PRELID2: variants seen among roughly 807,000 people sequenced by gnomAD.
The protein encoded by PRELID2 is PRELI domain containing 2.
PRELID2 carries 25 observed loss-of-function variants against 28.4 expected under a neutral mutation model. The observed-to-expected ratio is 0.88, with a 90% CI of 0.64 to 1.23. PRELID2 has a LOEUF of 1.23. Among genes scored for constraint, PRELID2 ranks in the 50% most tolerant of loss-of-function variants. PRELID2 has a pLI of 0.00. For missense variants in PRELID2, 201 were observed against 214.4 expected (o/e 0.94, Z 0.39); for synonymous variants, 76 against 71.6 (o/e 1.06, Z -0.31).
chr5:145,622,104 A>T (rs1753782004), intron 1 of PRELID2, among the ~76,000 whole-genome samples: 1 of 152,186 alleles, frequency 6.6e-6, no homozygotes, highest in Admixed American at 6.5e-5. Flanking sequence ...CATTTATGTT[A>T]ACTGTCCAGA....
At chr5:145,708,437 C>T (rs1359968384) in intron 1 of PRELID2, among the ~76,000 whole-genome samples, 1 of 151,922 alleles carries the variant, frequency 6.6e-6, no homozygotes, top group Non-Finnish European at 1.5e-5. Context: ...TTCTAAGGTC[C>T]CTTCCAGCTC....
chr5:145,765,842 C>T (rs1036762239), intron 5 of PRELID2, among the ~76,000 whole-genome samples: 4 of 152,200 alleles, frequency 2.6e-5, no homozygotes, highest in Admixed American at 6.5e-5. Context: ...TCCTTACCCA[C>T]ATTTTACTGA....
chr5:145,438,441 C>T, the PRELID2 span, among the ~76,000 whole-genome samples: 1 of 152,074 alleles, frequency 6.6e-6, no homozygotes, highest in East Asian at 1.9e-4. Flanking sequence ...TTCTCTTAAC[C>T]TCTTTTCCCA....
At chr5:145,567,208 T>C (rs982652660) in intron 1 of PRELID2, among the ~76,000 whole-genome samples, 1 of 152,200 alleles carries the variant, frequency 6.6e-6, no homozygotes, top group Non-Finnish European at 1.5e-5. Context: ...TTATTACCTA[T>C]TGATATGGTT....
intron 1 of PRELID2, among the ~76,000 whole-genome samples, chr5:145,481,405 C>T (rs1752157909): frequency 6.6e-6 from 1 of 151,300 alleles, no homozygotes; most frequent in Non-Finnish European, 1.5e-5. Context: ...ACACAGAGAC[C>T]CTAAAACAAA....
At chr5:145,328,294 A>G in the PRELID2 span, among the ~76,000 whole-genome samples, 2 of 152,186 alleles carry the variant, frequency 1.3e-5, no homozygotes, top group Admixed American at 1.3e-4. Context: ...CTTTTGGTAT[A>G]TACCCAATAA....
chr5:145,246,808 T>C, the PRELID2 span, among the ~76,000 whole-genome samples: 3 of 152,292 alleles, frequency 2.0e-5, no homozygotes, highest in East Asian at 5.8e-4. Context: ...AATCTGTCCT[T>C]GTTCATTCCT....
At chr5:145,406,279 A>T in the PRELID2 span, among the ~76,000 whole-genome samples, 1 of 152,180 alleles carries the variant, frequency 6.6e-6, no homozygotes, top group Non-Finnish European at 1.5e-5. Context: ...TTGTCAGAGT[A>T]CCCATGAAGT....
the PRELID2 span, among the ~76,000 whole-genome samples, chr5:145,323,000 T>C: frequency 4.7e-4 from 72 of 152,058 alleles, no homozygotes; most frequent in African/African-American, 1.7e-3. Context: ...AATAAATGAA[T>C]AAATAAACGA....
At chr5:145,714,759 A>G (rs973717640) in intron 1 of PRELID2, among the ~76,000 whole-genome samples, 10 of 152,180 alleles carry the variant, frequency 6.6e-5, no homozygotes, top group African/African-American at 2.4e-4. Context: ...AGGCCTTTCA[A>G]TAAGCACTTA....
chr5:145,738,276 C>T (rs1198094619), intron 1 of PRELID2, among the ~76,000 whole-genome samples: 1 of 152,072 alleles, frequency 6.6e-6, no homozygotes, highest in East Asian at 1.9e-4. Flanking sequence ...CCCAAAATAT[C>T]CAAGTTTCAA....
chr5:145,666,517 A>G (rs960398969), intron 1 of PRELID2, among the ~76,000 whole-genome samples: 11 of 152,022 alleles, frequency 7.2e-5, no homozygotes, highest in African/African-American at 2.4e-4. Flanking sequence ...CATACACACA[A>G]AATGGTGAGT....
chr5:145,437,838 C>A, the PRELID2 span, among the ~76,000 whole-genome samples: 4 of 152,072 alleles, frequency 2.6e-5, no homozygotes, highest in Non-Finnish European at 5.9e-5. Flanking sequence ...TATGGTCTGG[C>A]ATTTTCGCCC....
At chr5:145,643,771 C>T (rs975129932) in intron 1 of PRELID2, among the ~76,000 whole-genome samples, 8 of 152,098 alleles carry the variant, frequency 5.3e-5, no homozygotes, top group African/African-American at 1.9e-4. Flanking sequence ...TTGAGATAAT[C>T]ATGTGGTTTT....
the PRELID2 span, among the ~76,000 whole-genome samples, chr5:145,449,493 T>G: frequency 6.6e-6 from 1 of 152,104 alleles, no homozygotes; most frequent in Non-Finnish European, 1.5e-5. Flanking sequence ...TGCTCTTCTG[T>G]TCATCAGCTC....
At chr5:145,614,158 A>G (rs926682463) in intron 1 of PRELID2, among the ~76,000 whole-genome samples, 4 of 152,294 alleles carry the variant, frequency 2.6e-5, no homozygotes, top group African/African-American at 7.2e-5. Flanking sequence ...TGGGTTCTCT[A>G]TTCTGTTCCA....
At position 145,664,909 on chromosome 5, in the gene PRELID2, C is replaced by T. The variant is rs74907972; in HGVS notation, n.70+100022G>A. Among the ~76,000 whole-genome samples, 59 of 152,144 alleles carry T rather than the reference C, an allele frequency of 3.9e-4. No homozygotes were observed. The East Asian group carries it at 0.01, about 27-fold the overall frequency. ...GCTGTCAGAAACTGGTTCTTATGGCCACAGGTCAGATTTAAAGCTGCGACC... is the reference window on the plus strand; with the variant it reads ...GCTGTCAGAAACTGGTTCTTATGGCTACAGGTCAGATTTAAAGCTGCGACC... On this transcript the variant is annotated intron_variant and non_coding_transcript_variant, in intron 1 of 2. Transcript: ENST00000510259.
At chr5:145,469,853 GA>G (rs1752035925), downstream of PRELID2, among the ~76,000 whole-genome samples, 1 of 152,088 alleles carries the variant, frequency 6.6e-6, no homozygotes, top group South Asian at 2.1e-4. Context: ...TTGGTATTGA[GA>G]AATTTCACAA....
the PRELID2 span, among the ~76,000 whole-genome samples, chr5:145,306,358 T>C: frequency 6.6e-6 from 1 of 152,144 alleles, no homozygotes; most frequent in African/African-American, 2.4e-5. Context: ...GTTTAATGAG[T>C]TAATTATATT....
Sources: allele counts gnomAD v4.1 joint callset (sites outside exome capture counted in the v4.1 genomes callset), GRCh38; gene constraint gnomAD v4.1.1; transcripts MANE v1.5; gene names NCBI Gene and HGNC (gene_info 2026-07-23, HGNC 2026-07-21).